Variants in NCKAP5 observed in about 807,000 individuals in gnomAD.
NCKAP5 encodes the protein nck-associated protein 5.
A neutral mutation model predicts 167.0 loss-of-function variants in NCKAP5; 92 were observed. The observed-to-expected ratio is 0.55, with a 90% CI of 0.47 to 0.66. NCKAP5 has a LOEUF of 0.66. NCKAP5 is among the 30% of genes least tolerant of loss of function. NCKAP5 has a pLI of 0.00. For missense variants in NCKAP5, 2,378 were observed against 2,315.0 expected (o/e 1.03, Z -0.56); for synonymous variants, 891 against 877.4 (o/e 1.02, Z -0.27).
chr2:133,469,418 A>G (rs990694551), intron 3 of NCKAP5, among the ~76,000 whole-genome samples: 6 of 151,882 alleles, frequency 4.0e-5, no homozygotes, highest in Non-Finnish European at 8.8e-5. Context: ...GGGTAACCCG[A>G]CCTTTCTCTC....
intron 12 of NCKAP5, among the ~76,000 whole-genome samples, chr2:132,794,167 G>T (rs1375639035): frequency 7.0e-6 from 1 of 143,624 alleles, no homozygotes; most frequent in South Asian, 2.3e-4. Context: ...CCTGACAAAC[G>T]CTGGTGCTTA....
chr2:133,062,119 G>A (rs1256385002), intron 6 of NCKAP5, among the ~76,000 whole-genome samples: 1 of 152,180 alleles, frequency 6.6e-6, no homozygotes, highest in Non-Finnish European at 1.5e-5. Flanking sequence ...CATAGCCCTA[G>A]ATGTAATGCT....
chr2:133,388,011 GT>G (rs1170162544), intron 3 of NCKAP5, among the ~76,000 whole-genome samples: 2 of 152,150 alleles, frequency 1.3e-5, no homozygotes, highest in Non-Finnish European at 2.9e-5. Flanking sequence ...GCTCAGAAAA[GT>G]TTGATCATCT....
intron 3 of NCKAP5, among the ~76,000 whole-genome samples, chr2:133,410,950 A>C (rs893797005): frequency 3.3e-5 from 5 of 152,170 alleles, no homozygotes; most frequent in African/African-American, 9.7e-5. Context: ...AAATAATTGA[A>C]TTTAAAGGGC....
chr2:133,637,476 C>CAAAAAAAAAAAAAAAAAAAAAAAAAA, the NCKAP5 span, among the ~76,000 whole-genome samples: 2 of 31,670 alleles, frequency 6.3e-5, no homozygotes, highest in African/African-American at 1.6e-4. Flanking sequence ...TGGTATTTTC[C>CAAAAAAAAAAAAAAAAAAAAAAAAAA]AAAAAAAAAA....
intron 6 of NCKAP5, among the ~76,000 whole-genome samples, chr2:133,075,900 A>T (rs2149573594): frequency 6.6e-6 from 1 of 152,290 alleles, no homozygotes; most frequent in South Asian, 2.1e-4. Context: ...AAACTACAAT[A>T]AGGAAAGAGA....
chr2:133,394,629 A>T (rs1423704895), intron 3 of NCKAP5, among the ~76,000 whole-genome samples: 1 of 152,236 alleles, frequency 6.6e-6, no homozygotes, highest in East Asian at 1.9e-4. Context: ...CAAATCTTGC[A>T]AATGAATGAA....
At chr2:133,293,356 C>T (rs900517593) in intron 4 of NCKAP5, among the ~76,000 whole-genome samples, 2 of 152,306 alleles carry the variant, frequency 1.3e-5, no homozygotes, top group Middle Eastern at 3.4e-3. Flanking sequence ...TGGATTCAAA[C>T]TCTAGGCACC....
chr2:132,721,828 T>A (rs1187001145), intron 19 of NCKAP5, among the ~76,000 whole-genome samples: 1 of 152,200 alleles, frequency 6.6e-6, no homozygotes, highest in Non-Finnish European at 1.5e-5. Flanking sequence ...CAACACATCC[T>A]CTTTTAAAGG....
intron 5 of NCKAP5, among the ~76,000 whole-genome samples, chr2:133,141,908 C>T (rs2083012817): frequency 6.6e-6 from 1 of 152,066 alleles, no homozygotes; most frequent in South Asian, 2.1e-4. Flanking sequence ...TATCATGCTG[C>T]TAAAAGGTCA....
intron 4 of NCKAP5, among the ~76,000 whole-genome samples, chr2:133,294,649 G>C (rs1243981753): frequency 6.6e-6 from 1 of 152,152 alleles, no homozygotes; most frequent in Non-Finnish European, 1.5e-5. Flanking sequence ...CAAAATTATG[G>C]AGAACATGAA....
At chr2:133,669,055 T>C in the NCKAP5 span, among the ~76,000 whole-genome samples, 2 of 152,164 alleles carry the variant, frequency 1.3e-5, no homozygotes, top group Non-Finnish European at 2.9e-5. Context: ...GCTAGGCTGG[T>C]TGAAATTCTA....
intron 3 of NCKAP5, among the ~76,000 whole-genome samples, chr2:133,427,969 T>G (rs973906628): frequency 2.6e-5 from 4 of 152,010 alleles, no homozygotes; most frequent in African/African-American, 9.7e-5. Context: ...GCATATGAAT[T>G]AACAGTAGAA....
chr2:132,983,199 G>A (rs570065729), intron 7 of NCKAP5, among the ~76,000 whole-genome samples: 1 of 152,302 alleles, frequency 6.6e-6, no homozygotes, highest in Admixed American at 6.5e-5. Flanking sequence ...AGTTCCAGGA[G>A]TCTTTTGGCA....
intron 11 of NCKAP5, among the ~76,000 whole-genome samples, chr2:132,853,758 A>G (rs1461968886): frequency 6.6e-6 from 1 of 152,212 alleles, no homozygotes; most frequent in Non-Finnish European, 1.5e-5. Flanking sequence ...GACAGAACCT[A>G]TGTCTGCAGT....
intron 8 of NCKAP5, among the ~76,000 whole-genome samples, chr2:132,928,830 A>G (rs1031219516): frequency 1.3e-5 from 2 of 152,142 alleles, no homozygotes; most frequent in Admixed American, 1.3e-4. Flanking sequence ...GACCTAGTCT[A>G]ACTTCAAGAC....
At chr2:132,774,031 A>AGT (rs1682327718) in intron 15 of NCKAP5, 137 bp from the exon 16 acceptor site, 2 of 642,464 alleles carry the variant, frequency 3.1e-6, no homozygotes, top group East Asian at 5.5e-5. Context: ...TACATGTGTG[A>AGT]GTATGTATGT....
intron 11 of NCKAP5, among the ~76,000 whole-genome samples, chr2:132,805,596 A>T (rs1003538118): frequency 6.6e-6 from 1 of 151,690 alleles, no homozygotes; most frequent in Non-Finnish European, 1.5e-5. Context: ...AGATCACTAC[A>T]TTCTTTCCAT....
At chr2:132,897,397 T>C (rs62178886) in intron 8 of NCKAP5, among the ~76,000 whole-genome samples, 18,729 of 152,270 alleles carry the variant, frequency 0.12, 1,221 homozygotes, top group Middle Eastern at 0.19. Flanking sequence ...CTTGTTAGAA[T>C]AAATTATATA....
Sources: allele counts gnomAD v4.1 joint callset (sites outside exome capture counted in the v4.1 genomes callset), GRCh38; gene constraint gnomAD v4.1.1; transcripts MANE v1.5; gene names NCBI Gene and HGNC (gene_info 2026-07-23, HGNC 2026-07-21).